Variants in MOBP observed in about 807,000 individuals in gnomAD.
The protein encoded by MOBP is myelin associated oligodendrocyte basic protein.
Under a neutral mutation model 15.0 loss-of-function variants are expected in MOBP, and 5 were observed. That is an observed-to-expected ratio of 0.33 (90% CI 0.17 to 0.70). The LOEUF (loss-of-function observed/expected upper bound fraction) is 0.70, where lower values mean the gene tolerates loss of function less well. MOBP is among the 30% of genes least tolerant of loss of function. The pLI is 0.67. For synonymous variants in MOBP, 88 were observed against 99.0 expected, an observed-to-expected ratio of 0.89 and a Z score of 0.66; for missense variants, 188 against 257.8, an observed-to-expected ratio of 0.73 and a Z score of 1.85.
At chr3:39,513,711 C>G (rs1252748547) in exon 5 of MOBP, 1 of 398,508 alleles carries the variant, frequency 2.5e-6, no homozygotes, top group Non-Finnish European at 4.5e-6. Flanking sequence ...ACCTGCAGTC[C>G]TTTCTTCTCC....
chr3:39,479,265 A>G (rs977697211), intron 1 of MOBP, among the ~76,000 whole-genome samples: 3 of 152,220 alleles, frequency 2.0e-5, no homozygotes, highest in Admixed American at 6.5e-5. Context: ...TCTATAGTTC[A>G]TTACACAAAG....
At chr3:39,527,550 C>T (rs1424370027), downstream of MOBP, 4 of 151,436 alleles carry the variant, frequency 2.6e-5, no homozygotes, top group South Asian at 2.1e-4. Context: ...CTTCACCTTC[C>T]GTGTTCAAAT....
chr3:39,486,712 A>G (rs1357584607), intron 2 of MOBP, among the ~76,000 whole-genome samples: 1 of 152,028 alleles, frequency 6.6e-6, no homozygotes, highest in Non-Finnish European at 1.5e-5. Flanking sequence ...GTTTGAATGT[A>G]TTTTTATATG....
At chr3:39,473,360 G>A (rs1396372764) in intron 1 of MOBP, among the ~76,000 whole-genome samples, 3 of 152,210 alleles carry the variant, frequency 2.0e-5, no homozygotes, top group Non-Finnish European at 4.4e-5. Flanking sequence ...ATGGGGAAGC[G>A]CTAAGGTCTT....
intron 2 of MOBP, among the ~76,000 whole-genome samples, chr3:39,487,412 T>C (rs1238311637): frequency 3.9e-5 from 6 of 152,334 alleles, no homozygotes; most frequent in African/African-American, 1.4e-4. Context: ...ACTGTTCCAC[T>C]TGTCTATTTC....
intron 2 of MOBP, among the ~76,000 whole-genome samples, chr3:39,497,715 C>T (rs1305815152): frequency 6.6e-6 from 1 of 152,182 alleles, no homozygotes; most frequent in East Asian, 1.9e-4. Context: ...GTTACTTCTT[C>T]GCTGTTAGTT....
At chr3:39,491,789 AAGAG>A (rs948339000) in intron 2 of MOBP, among the ~76,000 whole-genome samples, 1 of 152,120 alleles carries the variant, frequency 6.6e-6, no homozygotes, top group African/African-American at 2.4e-5. Context: ...GAGAAAAAGC[AAGAG>A]AGAGAGAGGA....
At chr3:39,469,914 T>G (rs374194195) in intron 1 of MOBP, among the ~76,000 whole-genome samples, 4 of 152,238 alleles carry the variant, frequency 2.6e-5, no homozygotes, top group Non-Finnish European at 5.9e-5. Flanking sequence ...GCCCTTGGAT[T>G]ATAAATAGCA....
chr3:39,480,758 T>C lies in MOBP; in HGVS notation c.-5+635T>C, dbSNP rs559414841. On this transcript the variant is annotated intron_variant, in intron 2 of 3. Coordinates refer to ENST00000684792, the MANE Select transcript of MOBP (RefSeq NM_001393704.1). ...GCTGCCCACTCCCTCTCCACTTAGGTGACTTTACTATTTACTTGAATGAAG... is the reference window on the plus strand; with the variant it reads ...GCTGCCCACTCCCTCTCCACTTAGGCGACTTTACTATTTACTTGAATGAAG... Among the ~76,000 whole-genome samples, 11 of 152,322 alleles carry C rather than the reference T, an allele frequency of 7.2e-5. No homozygotes were observed. In the South Asian group the frequency reaches 1.4e-3, roughly 20 times the overall value.
downstream of MOBP, among the ~76,000 whole-genome samples, chr3:39,520,826 G>A (rs1017931351): frequency 2.0e-5 from 3 of 152,178 alleles, no homozygotes; most frequent in Admixed American, 6.5e-5. Flanking sequence ...GGCAATTCAC[G>A]TTAATTTCTT....
downstream of MOBP, chr3:39,525,711 A>T (rs946299997): frequency 5.2e-5 from 8 of 152,752 alleles, no homozygotes; most frequent in African/African-American, 1.7e-4. Context: ...GCCACAGAGT[A>T]TGAAGGAAGA....
Position 39,468,742 on chromosome 3 carries a change from G to GTA in MOBP, c.-89+1009_-89+1010dup, listed in dbSNP as rs536158822. Among the ~76,000 whole-genome samples, 232 of 78,190 alleles carry GTA rather than the reference G, an allele frequency of 3.0e-3. 32 individuals are homozygous for GTA. In the East Asian group the frequency reaches 0.062, roughly 21 times the overall value. 51.3% of individuals were successfully genotyped at this position (78,190 alleles called of 152,430 possible). On this transcript the variant is annotated intron_variant, in intron 1 of 3. Transcript: ENST00000684792. Reference sequence around the variant, plus strand: ...TATATACATATATACATATGTGTGTGTATATATACATATATACATGTGTGT... The same window carrying GTA: ...TATATACATATATACATATGTGTGTGTATATATATACATATATACATGTGTGT...
At chr3:39,520,073 C>T (rs76225125), downstream of MOBP, among the ~76,000 whole-genome samples, 756 of 151,862 alleles carry the variant, frequency 5.0e-3, 3 homozygotes, top group Non-Finnish European at 7.8e-3. Flanking sequence ...GACTTTATAC[C>T]CTCTTCACTG....
intron 2 of MOBP, among the ~76,000 whole-genome samples, chr3:39,494,792 G>GC (rs931164636): frequency 2.0e-4 from 9 of 46,106 alleles, no homozygotes; most frequent in East Asian, 1.8e-3. Context: ...GCCCCCCCCC[G>GC]CCCCCCGAGT....
chr3:39,496,662 T>G (rs1211419556), intron 2 of MOBP, among the ~76,000 whole-genome samples: 1 of 80,152 alleles, frequency 1.2e-5, no homozygotes, highest in Non-Finnish European at 2.3e-5. Flanking sequence ...CCCGGCTAAT[T>G]TTTTTTTTTC....
intron 2 of MOBP, among the ~76,000 whole-genome samples, chr3:39,497,376 AG>A: frequency 6.6e-6 from 1 of 152,310 alleles, no homozygotes; most frequent in Admixed American, 6.5e-5. Flanking sequence ...TTGTCACCCT[AG>A]GACATAGACT....
chr3:39,469,532 G>C (rs2042438561), intron 1 of MOBP, among the ~76,000 whole-genome samples: 1 of 151,970 alleles, frequency 6.6e-6, no homozygotes, highest in African/African-American at 2.4e-5. Flanking sequence ...TGAGAACCAT[G>C]CATGACCTTT....
At chr3:39,524,611 G>T (rs1183037067) in exon 5 of MOBP, 1 of 152,110 alleles carries the variant, frequency 6.6e-6, no homozygotes, top group Non-Finnish European at 1.5e-5. Context: ...AAATTATTAT[G>T]ACACCTTTGG....
At chr3:39,515,787 C>T (rs1267766484) in exon 5 of MOBP, 1 of 152,144 alleles carries the variant, frequency 6.6e-6, no homozygotes, top group Admixed American at 6.5e-5. Context: ...GTGCTGTTTC[C>T]ATAGTTACTC....
Sources: gnomAD v4.1 joint callset for allele counts (sites outside exome capture counted in the v4.1 genomes callset) on GRCh38, gnomAD v4.1.1 for gene constraint, MANE v1.5 for transcripts, NCBI Gene and HGNC (gene_info 2026-07-23, HGNC 2026-07-21) for gene names.